The following SYN2 variants were observed in gnomAD, a reference collection of about 807,000 sequenced individuals.
SYN2 encodes the protein synapsin II, also known as synapsin-2.
Under a neutral mutation model 50.9 loss-of-function variants are expected in SYN2, and 19 were observed. The observed-to-expected ratio is 0.37, with a 90% CI of 0.26 to 0.55. The LOEUF (loss-of-function observed/expected upper bound fraction) is 0.55, where lower values mean the gene tolerates loss of function less well. SYN2 is among the 20% of genes least tolerant of loss of function. The probability of loss-of-function intolerance (pLI) is 0.81; values close to 1 mark genes in which losing one functional copy is unlikely to be tolerated. For synonymous variants in SYN2, 255 were observed against 224.9 expected (o/e 1.13, Z -1.20); for missense variants, 587 against 576.4 (o/e 1.02, Z -0.19).
intron 1 of SYN2, among the ~76,000 whole-genome samples, chr3:12,066,552 G>C (rs1010229905): frequency 6.6e-6 from 1 of 152,072 alleles, no homozygotes; most frequent in Admixed American, 6.6e-5. Flanking sequence ...TATGCAAACT[G>C]AATATTTGCA....
In SYN2 at chr3:12,182,816, CA is replaced by C. The variant is rs369907570; in HGVS notation, c.1309-495del. Among the ~76,000 whole-genome samples the C allele has an allele frequency of 5.9e-5, 9 of 152,366 alleles. No individual in the cohort carries two copies. In the South Asian group the frequency reaches 1.9e-3, roughly 32 times the overall value. On this transcript the variant is annotated intron_variant, in intron 10 of 12. Transcript: ENST00000621198. ...GTCACTAGGTCCGGCTGGGCGCAGG[CA>C]TGCGCACACATACACTCCTCCCCTG...
intron 1 of SYN2, among the ~76,000 whole-genome samples, chr3:12,017,732 T>C (rs1254106578): frequency 6.6e-6 from 1 of 152,212 alleles, no homozygotes; most frequent in Non-Finnish European, 1.5e-5. Flanking sequence ...AGACAACAGC[T>C]TACTACATGA....
chr3:12,067,371 C>G (rs1695236584), intron 1 of SYN2, among the ~76,000 whole-genome samples: 1 of 151,988 alleles, frequency 6.6e-6, no homozygotes, highest in African/African-American at 2.4e-5. Context: ...TTGTAAAATT[C>G]TTTTCAGCCT....
Position 12,162,164 on chromosome 3 carries a change from A to G in SYN2, c.980+10A>G. On this transcript the variant is annotated intron_variant, in intron 7 of 12. Transcript: ENST00000621198. ...ACTACAAGGCTTACATGTGAGTAAG[A>G]GTGGGGTATGTTTTCTCCTCAGTGA... is the stretch of plus-strand genomic sequence containing the variant. 6.2e-7 allele frequency: 1 copy of G among 1,613,894 alleles called. No individual in the cohort carries two copies. The highest frequency in any genetic ancestry group is 1.7e-5 in the Admixed American group (1 of 60,010).
At chr3:12,071,997 T>G (rs1446177844) in intron 1 of SYN2, among the ~76,000 whole-genome samples, 1 of 152,188 alleles carries the variant, frequency 6.6e-6, no homozygotes, top group Non-Finnish European at 1.5e-5. Context: ...TTCAAAGAGA[T>G]GACAACAAAT....
At chr3:12,031,851 CTT>C (rs1694388939) in intron 1 of SYN2, among the ~76,000 whole-genome samples, 1 of 65,162 alleles carries the variant, frequency 1.5e-5, no homozygotes, top group African/African-American at 4.7e-5. Flanking sequence ...CAGTCTGTGT[CTT>C]TTAATTGGAG....
At chr3:12,106,307 G>A (rs1004231050) in intron 1 of SYN2, among the ~76,000 whole-genome samples, 7 of 152,108 alleles carry the variant, frequency 4.6e-5, no homozygotes, top group African/African-American at 1.7e-4. Flanking sequence ...CTTTTAAAGG[G>A]CTGTGTAATT....
At chr3:12,012,084 A>G (rs1693921466) in intron 1 of SYN2, among the ~76,000 whole-genome samples, 1 of 150,978 alleles carries the variant, frequency 6.6e-6, no homozygotes. Flanking sequence ...TGTTGTTGTT[A>G]TTTAGTTGAG....
At chr3:12,094,637 G>A (rs1488328982) in intron 1 of SYN2, among the ~76,000 whole-genome samples, 1 of 152,140 alleles carries the variant, frequency 6.6e-6, no homozygotes, top group African/African-American at 2.4e-5. Context: ...CTACTCTGTT[G>A]GGTTCTTGTG....
intron 1 of SYN2, among the ~76,000 whole-genome samples, chr3:12,087,754 G>GA (rs1695736943): frequency 6.6e-6 from 1 of 151,918 alleles, no homozygotes; most frequent in African/African-American, 2.4e-5. Flanking sequence ...CCCTGTCTCA[G>GA]AAAAATCCCA....
intron 1 of SYN2, among the ~76,000 whole-genome samples, chr3:12,007,874 T>G (rs574164982): frequency 6.6e-6 from 1 of 152,344 alleles, no homozygotes; most frequent in South Asian, 2.1e-4. Flanking sequence ...GTTTTTCTTT[T>G]GCTGGAAATG....
chr3:12,106,371 A>G lies in SYN2; in HGVS notation c.378-34280A>G, dbSNP rs149461031. On this transcript the variant is annotated intron_variant, in intron 1 of 12. Transcript: ENST00000621198. ...ATTTTATAGTCAAATCTGTCTTGTA[A>G]TAACTTATTCATGAGAATAAAATCC... Among the ~76,000 whole-genome samples, 425 of 152,270 alleles carry G rather than the reference A, an allele frequency of 2.8e-3. 2 individuals are homozygous for G. Among genetic ancestry groups the G allele is most frequent in the African/African-American group, 9.8e-3 (408 of 41,542 alleles).
intron 10 of SYN2, among the ~76,000 whole-genome samples, chr3:12,178,297 G>T (rs6768462): frequency 0.034 from 5,197 of 152,272 alleles, 274 homozygotes; most frequent in African/African-American, 0.12. Flanking sequence ...CTTGGTTGGG[G>T]CAGCTGGTCT....
chr3:12,136,310 T>C (rs1696891749), intron 1 of SYN2, among the ~76,000 whole-genome samples: 1 of 152,230 alleles, frequency 6.6e-6, no homozygotes, highest in Non-Finnish European at 1.5e-5. Context: ...CAAACATTAT[T>C]AAATGAGGTA....
intron 1 of SYN2, among the ~76,000 whole-genome samples, chr3:12,042,077 G>A (rs528139188): frequency 2.2e-4 from 34 of 152,234 alleles, no homozygotes; most frequent in African/African-American, 6.3e-4. Context: ...GTATATTAGC[G>A]TTGGTCTGTA....
chr3:12,101,312 G>C (rs1460386692), intron 1 of SYN2, among the ~76,000 whole-genome samples: 2 of 152,162 alleles, frequency 1.3e-5, no homozygotes, highest in African/African-American at 4.8e-5. Flanking sequence ...CCAGAAAAAG[G>C]AATGAAGTAT....
At chr3:12,134,495 A>G (rs1162606173) in intron 1 of SYN2, among the ~76,000 whole-genome samples, 2 of 152,190 alleles carry the variant, frequency 1.3e-5, no homozygotes, top group Admixed American at 6.5e-5. Flanking sequence ...TCAATTCTGC[A>G]TCTTCCTTCC....
chr3:12,088,554 A>G (rs1470648092), intron 1 of SYN2, among the ~76,000 whole-genome samples: 2 of 152,224 alleles, frequency 1.3e-5, no homozygotes, highest in Admixed American at 6.5e-5. Flanking sequence ...TATATATCCA[A>G]AGGATTTGCA....
intron 1 of SYN2, among the ~76,000 whole-genome samples, chr3:12,096,159 C>T (rs933356954): frequency 3.9e-5 from 6 of 152,194 alleles, no homozygotes; most frequent in South Asian, 4.1e-4. Flanking sequence ...TCCATTTCTC[C>T]TAGGCCAGGT....
Sources: gnomAD v4.1 joint callset for allele counts (sites outside exome capture counted in the v4.1 genomes callset) on GRCh38, gnomAD v4.1.1 for gene constraint, MANE v1.5 for transcripts, NCBI Gene and HGNC (gene_info 2026-07-23, HGNC 2026-07-21) for gene names.